TCF7L2: variants seen among roughly 807,000 people sequenced by gnomAD.
TCF7L2 encodes the protein transcription factor 7 like 2.
A neutral mutation model predicts 77.9 loss-of-function variants in TCF7L2; 23 were observed. That is an observed-to-expected ratio of 0.30 (90% CI 0.21 to 0.42). The LOEUF is 0.42. Ranked by LOEUF, TCF7L2 falls within the 10% of genes least tolerant of loss-of-function variation. The probability of loss-of-function intolerance (pLI) is 1.00; values close to 1 mark genes in which losing one functional copy is unlikely to be tolerated. For missense variants in TCF7L2, 654 were observed against 793.1 expected, an observed-to-expected ratio of 0.82 and a Z score of 2.11; for synonymous variants, 413 against 340.2, an observed-to-expected ratio of 1.21 and a Z score of -2.36.
rs186535478 is a variant in TCF7L2 at position 113,138,971 on chromosome 10, C to T, written c.553-2213C>T. ...TGCTGGTTCTGATGCCCACCACTAG[C>T]CCTTTCTCTTCCCATGTGATCCTTC... On this transcript the variant is annotated intron_variant, in intron 5 of 13. Coordinates refer to ENST00000627217, the MANE Select transcript of TCF7L2 (RefSeq NM_001146274.2). Among the ~76,000 whole-genome samples, 10 of 152,250 alleles carry T rather than the reference C, an allele frequency of 6.6e-5. No homozygotes were observed. In the East Asian group the frequency reaches 1.9e-3, roughly 29 times the overall value.
chr10:113,126,538 A>C, intron 5 of TCF7L2: 3 of 984,872 alleles, frequency 3.0e-6, no homozygotes, highest in Non-Finnish European at 3.6e-6. Flanking sequence ...TTGGGGGAAA[A>C]AAAGAAGAGT....
intron 8 of TCF7L2, among the ~76,000 whole-genome samples, 176 bp downstream of exon 8, chr10:113,146,273 A>G (rs2069373575): frequency 6.6e-6 from 1 of 152,224 alleles, no homozygotes; most frequent in South Asian, 2.1e-4. Context: ...CTGAAATTCC[A>G]AGGTAAATGA....
At chr10:113,110,369 G>GTTTT (rs55993335) in intron 5 of TCF7L2, among the ~76,000 whole-genome samples, 10 of 126,414 alleles carry the variant, frequency 7.9e-5, no homozygotes, top group African/African-American at 2.3e-4. Context: ...GTCTACTGGG[G>GTTTT]TTTTTTTTTT....
At chr10:113,137,680 A>G (rs1406175989) in intron 5 of TCF7L2, among the ~76,000 whole-genome samples, 1 of 152,262 alleles carries the variant, frequency 6.6e-6, no homozygotes, top group Non-Finnish European at 1.5e-5. Context: ...TAAGGAGACT[A>G]CATTTAAAGA....
intron 12 of TCF7L2, 45 bp downstream of exon 12, chr10:113,158,114 G>A (rs1413948954): frequency 1.3e-6 from 2 of 1,562,288 alleles, no homozygotes; most frequent in South Asian, 1.2e-5. Context: ...GTAGCCTGAG[G>A]ACCACCCTTT....
chr10:113,068,899 C>CTT (rs35683038), intron 5 of TCF7L2, among the ~76,000 whole-genome samples: 2 of 145,810 alleles, frequency 1.4e-5, no homozygotes, highest in African/African-American at 2.5e-5. Context: ...GCTCCCAATT[C>CTT]TTTTTTTTTT....
At chr10:112,992,920 C>T (rs1052491008) in intron 4 of TCF7L2, among the ~76,000 whole-genome samples, 9 of 151,928 alleles carry the variant, frequency 5.9e-5, no homozygotes, top group African/African-American at 1.7e-4. Flanking sequence ...CCTGACACCG[C>T]GCCTGGCTAA....
chr10:113,132,030 C>T (rs1040603290), intron 5 of TCF7L2: 1 of 152,174 alleles, frequency 6.6e-6, no homozygotes, highest in African/African-American at 2.4e-5. Flanking sequence ...CTGTAGATGC[C>T]CATTAAAGGA....
intron 4 of TCF7L2, among the ~76,000 whole-genome samples, chr10:112,995,048 C>T (rs886406542): frequency 2.0e-5 from 3 of 152,138 alleles, no homozygotes; most frequent in Non-Finnish European, 2.9e-5. Flanking sequence ...TTGCAGTGAG[C>T]GGAGATCATG....
intron 5 of TCF7L2, among the ~76,000 whole-genome samples, chr10:113,046,204 T>C (rs1036815656): frequency 3.9e-5 from 6 of 152,316 alleles, no homozygotes; most frequent in Middle Eastern, 3.4e-3. Flanking sequence ...GGTGATACCA[T>C]GGCAATAGAA....
At chr10:113,156,454 G>T (rs1408419696) in intron 11 of TCF7L2, among the ~76,000 whole-genome samples, 3 of 152,080 alleles carry the variant, frequency 2.0e-5, no homozygotes, top group Admixed American at 2.0e-4. Flanking sequence ...TTTCTCTTCC[G>T]AGTTGACATC....
At position 113,166,850 on chromosome 10, in the gene TCF7L2, G is replaced by A. The variant is rs1001178493; in HGVS notation, c.*878G>A. 3 of 226,496 alleles carry A rather than the reference G, an allele frequency of 1.3e-5. No homozygotes were observed. Among genetic ancestry groups the A allele is most frequent in the African/African-American group, 6.7e-5 (3 of 44,494 alleles). 14.0% of individuals were successfully genotyped at this position (226,496 alleles called of 1,614,324 possible). ...TTTTTTTTCTGTATGAAACCCAGAT[G>A]TCACCAAATGGACATTAATAGTTGC... On this transcript the variant is annotated 3_prime_UTR_variant, in exon 14 of 14. Transcript: ENST00000627217.
intron 5 of TCF7L2, among the ~76,000 whole-genome samples, chr10:113,115,319 G>C (rs909070843): frequency 6.6e-6 from 1 of 152,216 alleles, no homozygotes; most frequent in African/African-American, 2.4e-5. Flanking sequence ...GAGCAGACTT[G>C]ATAATTAAAG....
Position 113,165,692 on chromosome 10 carries a change from A to G in TCF7L2, c.1529A>G (p.Gln510Arg), listed in dbSNP as rs2137650265. 1.0e-5 allele frequency: 16 copies of G among 1,595,264 alleles called. No homozygotes were observed. The highest frequency in any genetic ancestry group is 1.4e-5 in the Non-Finnish European group (16 of 1,175,748). Residue 510 changes from glutamine (Q) to arginine (R), a missense_variant, in exon 14 of 14, where the codon CAG (glutamine) becomes CGG (arginine). Physicochemically the swap from Gln to Arg is conservative, Grantham distance 43. Around this residue, in one of 6 missense-constraint regions of TCF7L2, gnomAD observed 272 missense variants for 215.4 expected, o/e 1.26. Coordinates refer to ENST00000627217, the MANE Select transcript of TCF7L2 (RefSeq NM_001146274.2). ...TCCCCTCCCCGAGACGCCAAGTCAC[A>G]GACTGAGCAGACCCAGCCTCTGTCG...
intron 5 of TCF7L2, among the ~76,000 whole-genome samples, chr10:113,070,155 C>G (rs530875897): frequency 1.3e-5 from 2 of 151,682 alleles, no homozygotes; most frequent in Admixed American, 1.3e-4. Context: ...ACTCGGGAGG[C>G]TGAGGCAGGA....
rs181345902 is a variant in TCF7L2, at chr10:112,987,754, C to G, written c.450+23130C>G. 3.1e-3 allele frequency: 490 copies of G among 156,070 alleles called. 1 individual carries two copies. The highest frequency in any genetic ancestry group is 4.9e-3 in the Non-Finnish European group (342 of 70,054). 9.7% of individuals were successfully genotyped at this position (156,070 alleles called of 1,614,324 possible). ...TCTAAAAAGATGGCAGAATCATCTG[C>G]TCCTGTCCCAGCAGCTGGCCTGCAT... On this transcript the variant is annotated intron_variant, in intron 4 of 13. Coordinates refer to ENST00000627217, the MANE Select transcript of TCF7L2 (RefSeq NM_001146274.2).
intron 11 of TCF7L2, 76 bp from the exon 12 acceptor site, chr10:113,157,945 C>G: frequency 6.8e-7 from 1 of 1,476,600 alleles, no homozygotes; most frequent in Non-Finnish European, 9.2e-7. Context: ...CCTGCCTTCT[C>G]CTTCCAGGTG....
At chr10:113,083,136 G>A (rs1384134168) in intron 5 of TCF7L2, among the ~76,000 whole-genome samples, 2 of 151,870 alleles carry the variant, frequency 1.3e-5, no homozygotes, top group Non-Finnish European at 2.9e-5. Flanking sequence ...ATTCCAACTC[G>A]TGCCAACTTT....
intron 11 of TCF7L2, among the ~76,000 whole-genome samples, chr10:113,154,450 G>T (rs1367781375): frequency 6.6e-6 from 1 of 152,098 alleles, no homozygotes; most frequent in Non-Finnish European, 1.5e-5. Flanking sequence ...GACATTTTGG[G>T]TCATAGTAGG....
Sources: gnomAD v4.1 joint callset for allele counts (sites outside exome capture counted in the v4.1 genomes callset) on GRCh38, gnomAD v4.1.1 for gene constraint, gnomAD v4.1.1 regional missense constraint, MANE v1.5 for transcripts, NCBI Gene and HGNC (gene_info 2026-07-23, HGNC 2026-07-21) for gene names.